Variants in GRM8 observed in about 807,000 individuals in gnomAD.
The protein encoded by GRM8 is metabotropic glutamate receptor 8.
GRM8 carries 47 observed loss-of-function variants against 87.2 expected under a neutral mutation model. The observed-to-expected ratio is 0.54, with a 90% CI of 0.43 to 0.69. The LOEUF (loss-of-function observed/expected upper bound fraction) is 0.69, where lower values mean the gene tolerates loss of function less well. GRM8 is among the 30% of genes least tolerant of loss of function. The probability of loss-of-function intolerance (pLI) is 0.00; values close to 1 mark genes in which losing one functional copy is unlikely to be tolerated. For missense variants in GRM8, 1,019 were observed against 1,139.2 expected (o/e 0.89, Z 1.52); for synonymous variants, 396 against 404.5 (o/e 0.98, Z 0.25).
chr7:126,717,568 T>C lies in GRM8; in HGVS notation c.1357+52297A>G, dbSNP rs2299496. Among the ~76,000 whole-genome samples, 57 of 152,280 alleles carry C rather than the reference T, an allele frequency of 3.7e-4. 1 individual carries two copies. The East Asian group carries it at 0.011, about 28-fold the overall frequency. Reference sequence around the variant, plus strand: ...GAAAAGTAATACAGGCCAATAACCATGCTTTCTCTACATACTATTTCAAAT... The same window carrying C: ...GAAAAGTAATACAGGCCAATAACCACGCTTTCTCTACATACTATTTCAAAT... On this transcript the variant is annotated intron_variant, in intron 7 of 10. Coordinates refer to ENST00000339582, the MANE Select transcript of GRM8 (RefSeq NM_000845.3).
At chr7:126,628,754 T>C (rs191532100) in intron 7 of GRM8, among the ~76,000 whole-genome samples, 140 of 152,310 alleles carry the variant, frequency 9.2e-4, no homozygotes, top group Non-Finnish European at 1.7e-3. Flanking sequence ...TAGCTTTTTG[T>C]CAAAATACTA....
intron 2 of GRM8, among the ~76,000 whole-genome samples, chr7:127,217,994 A>G (rs1796677439): frequency 6.6e-6 from 1 of 152,162 alleles, no homozygotes; most frequent in Admixed American, 6.5e-5. Context: ...ACTGGGTCCA[A>G]CCATTTACCA....
At chr7:126,947,801 T>C (rs147949223) in intron 3 of GRM8, among the ~76,000 whole-genome samples, 94 of 152,270 alleles carry the variant, frequency 6.2e-4, no homozygotes, top group African/African-American at 1.8e-3. Flanking sequence ...ATCAAGATTT[T>C]AGCCAGAAGC....
chr7:126,724,638 ATCT>A (rs1812762122), intron 7 of GRM8, among the ~76,000 whole-genome samples: 1 of 152,116 alleles, frequency 6.6e-6, no homozygotes, highest in South Asian at 2.1e-4. Flanking sequence ...TGATCCATTT[ATCT>A]TCTTTATGGT....
At chr7:127,111,224 C>A (rs962294604) in intron 2 of GRM8, 1 of 152,154 alleles carries the variant, frequency 6.6e-6, no homozygotes, top group African/African-American at 2.4e-5. Flanking sequence ...ACTTAATCTA[C>A]ATTTAACTAG....
chr7:127,017,706 AC>A (rs1488452631), intron 3 of GRM8, among the ~76,000 whole-genome samples: 2 of 152,030 alleles, frequency 1.3e-5, no homozygotes, highest in Non-Finnish European at 2.9e-5. Flanking sequence ...ATGTGTGATA[AC>A]TGAAACCTGA....
intron 3 of GRM8, among the ~76,000 whole-genome samples, chr7:127,019,240 G>A (rs537177208): frequency 1.3e-5 from 2 of 152,122 alleles, no homozygotes; most frequent in African/African-American, 4.8e-5. Context: ...TGGAAGCTTT[G>A]TAGCTTTAAA....
intron 6 of GRM8, among the ~76,000 whole-genome samples, chr7:126,875,343 T>C (rs1799443341): frequency 6.6e-6 from 1 of 150,972 alleles, no homozygotes; most frequent in African/African-American, 2.4e-5. Flanking sequence ...CTTAAATAGG[T>C]AGTAAGCAAT....
At chr7:126,825,724 T>A (rs1483787931) in intron 6 of GRM8, among the ~76,000 whole-genome samples, 3 of 152,184 alleles carry the variant, frequency 2.0e-5, no homozygotes, top group Non-Finnish European at 4.4e-5. Context: ...GAAACTTTTT[T>A]TTATTATTAT....
chr7:126,763,204 T>C (rs907725568), intron 7 of GRM8, among the ~76,000 whole-genome samples: 3 of 151,632 alleles, frequency 2.0e-5, no homozygotes, highest in East Asian at 1.9e-4. Flanking sequence ...AAACATGGCA[T>C]TTTTTAAAAT....
chr7:126,973,103 T>C (rs1351327223), intron 3 of GRM8, among the ~76,000 whole-genome samples: 1 of 152,124 alleles, frequency 6.6e-6, no homozygotes, highest in Non-Finnish European at 1.5e-5. Flanking sequence ...ACAGTGGTCT[T>C]AATAGGTCTA....
chr7:126,708,548 T>G (rs1434191384), intron 7 of GRM8, among the ~76,000 whole-genome samples: 1 of 150,254 alleles, frequency 6.7e-6, no homozygotes, highest in African/African-American at 2.4e-5. Context: ...ATTCTATATA[T>G]ATAAAATATC....
chr7:127,106,415 A>G (rs1825805963), intron 3 of GRM8, 81 bp downstream of exon 3: 2 of 1,087,908 alleles, frequency 1.8e-6, no homozygotes, highest in Non-Finnish European at 2.8e-6. Context: ...TATTCCCTAC[A>G]GATAAGAGAG....
At chr7:126,505,225 T>C (rs575992746) in intron 9 of GRM8, among the ~76,000 whole-genome samples, 3 of 152,070 alleles carry the variant, frequency 2.0e-5, no homozygotes, top group Non-Finnish European at 2.9e-5. Flanking sequence ...CCAAATTTAC[T>C]TTAGTGTCTT....
chr7:127,060,618 C>T (rs917310023), intron 3 of GRM8, among the ~76,000 whole-genome samples: 1 of 151,930 alleles, frequency 6.6e-6, no homozygotes, highest in African/African-American at 2.4e-5. Context: ...TATAACAGTC[C>T]AATATGGAGT....
intron 3 of GRM8, among the ~76,000 whole-genome samples, chr7:126,968,951 A>G (rs1000716710): frequency 6.6e-6 from 1 of 152,198 alleles, no homozygotes. Context: ...CAATTAAGTG[A>G]ATATTGCAAT....
chr7:127,055,670 C>A (rs1819908442), intron 3 of GRM8, among the ~76,000 whole-genome samples: 1 of 151,880 alleles, frequency 6.6e-6, no homozygotes, highest in Admixed American at 6.6e-5. Flanking sequence ...TTTATATATA[C>A]ACACACACAC....
intron 6 of GRM8, among the ~76,000 whole-genome samples, chr7:126,825,941 A>G (rs1042573487): frequency 6.6e-6 from 1 of 150,876 alleles, no homozygotes; most frequent in African/African-American, 2.4e-5. Context: ...TCATTGTTCA[A>G]TTCCCATCTA....
intron 6 of GRM8, among the ~76,000 whole-genome samples, chr7:126,828,749 G>T (rs1022136687): frequency 1.5e-4 from 23 of 152,118 alleles, no homozygotes; most frequent in African/African-American, 5.3e-4. Context: ...GCTAGCTTTT[G>T]AATGTGTTTG....
Sources: gnomAD v4.1 joint callset for allele counts (sites outside exome capture counted in the v4.1 genomes callset) on GRCh38, gnomAD v4.1.1 for gene constraint, MANE v1.5 for transcripts, NCBI Gene and HGNC (gene_info 2026-07-23, HGNC 2026-07-21) for gene names.